Variants in BPHL observed in about 807,000 individuals in gnomAD.
BPHL encodes the protein serine hydrolase BPHL.
BPHL carries 27 observed loss-of-function variants against 31.2 expected under a neutral mutation model. That is an observed-to-expected ratio of 0.87 (90% CI 0.64 to 1.19). The LOEUF is 1.19. Among genes scored for constraint, BPHL ranks in the 50% most tolerant of loss-of-function variants. BPHL has a pLI of 0.00. For synonymous variants in BPHL, 150 were observed against 146.8 expected, an observed-to-expected ratio of 1.02 and a Z score of -0.16; for missense variants, 356 against 375.7, an observed-to-expected ratio of 0.95 and a Z score of 0.43.
At chr6:3,121,291 C>CTTTT (rs67332286) in intron 1 of BPHL, among the ~76,000 whole-genome samples, 33 of 80,378 alleles carry the variant, frequency 4.1e-4, no homozygotes, top group Non-Finnish European at 6.5e-4. Context: ...ATAGCAGTTT[C>CTTTT]TTTTTTTTTT....
At chr6:3,148,740 T>C (rs1762447143) in intron 6 of BPHL, among the ~76,000 whole-genome samples, 2 of 152,240 alleles carry the variant, frequency 1.3e-5, no homozygotes. Flanking sequence ...CACACAGAAT[T>C]AGCCAGTGCT....
chr6:3,126,358 C>A (rs992351280), intron 2 of BPHL, among the ~76,000 whole-genome samples: 1 of 152,080 alleles, frequency 6.6e-6, no homozygotes, highest in African/African-American at 2.4e-5. Context: ...ATGTGTAAGT[C>A]ATTGTTTTAA....
Position 3,127,394 on chromosome 6 carries a change from G to A in BPHL, c.364G>A (p.Val122Ile). 6.2e-7 allele frequency: 1 copy of A among 1,605,322 alleles called. No homozygotes were observed. Among genetic ancestry groups the A allele is most frequent in the East Asian group, 2.2e-5 (1 of 44,766 alleles). ...DFFERDAKDA[V>I]DLMKALKFKK... ...TTTTGAAAGGGATGCAAAAGATGCT[G>A]TTGATTTGATGAAGGTAGGTCTCTG... The change falls in exon 3 of 7, where the codon GTT (valine) becomes ATT (isoleucine). Residue 122 changes from valine to isoleucine, a missense_variant. By Grantham distance (29) the Val-to-Ile change is conservative. Transcript: ENST00000380379.
chr6:3,132,962 AGTCT>A (rs1170456293), intron 4 of BPHL, among the ~76,000 whole-genome samples: 1 of 152,194 alleles, frequency 6.6e-6, no homozygotes, highest in African/African-American at 2.4e-5. Flanking sequence ...CTTTAAATTC[AGTCT>A]GTCTAATACT....
At chr6:3,123,628 C>T in intron 1 of BPHL, 29 bp from the exon 2 acceptor site, 1 of 1,592,646 alleles carries the variant, frequency 6.3e-7, no homozygotes, top group Admixed American at 1.7e-5. Flanking sequence ...CCCCTTTCCC[C>T]CTGTGGGGAT....
chr6:3,139,997 A>C (rs559923209), intron 5 of BPHL: 20 of 219,166 alleles, frequency 9.1e-5, no homozygotes, highest in African/African-American at 3.5e-4. Flanking sequence ...CGGGGCCCCT[A>C]CACTCATCTG....
chr6:3,137,911 A>G, intron 5 of BPHL: 24 of 1,039,654 alleles, frequency 2.3e-5, no homozygotes, highest in Non-Finnish European at 3.1e-5. Flanking sequence ...CCACGAGGAC[A>G]CTGTTAATCT....
intron 4 of BPHL, among the ~76,000 whole-genome samples, chr6:3,135,431 T>C (rs1453203833): frequency 6.6e-6 from 1 of 152,238 alleles, no homozygotes; most frequent in Non-Finnish European, 1.5e-5. Flanking sequence ...TTTTTCAGAT[T>C]TTCTCCTTAC....
At chr6:3,135,738 T>C (rs556358399) in intron 4 of BPHL, among the ~76,000 whole-genome samples, 15 of 152,354 alleles carry the variant, frequency 9.8e-5, no homozygotes, top group East Asian at 3.9e-4. Context: ...CTAGTTTTTT[T>C]ATTAACTTTA....
intron 2 of BPHL, among the ~76,000 whole-genome samples, chr6:3,126,296 A>G (rs1761709213): frequency 6.6e-6 from 1 of 152,224 alleles, no homozygotes; most frequent in Admixed American, 6.5e-5. Flanking sequence ...ACTTTGAATA[A>G]CTTGGACCAA....
At chr6:3,128,552 C>T (rs1314658697) in intron 3 of BPHL, among the ~76,000 whole-genome samples, 4 of 152,236 alleles carry the variant, frequency 2.6e-5, no homozygotes, top group African/African-American at 9.6e-5. Flanking sequence ...CTCACACAAC[C>T]TCCCCATGAC....
At position 3,152,621 on chromosome 6, in the gene BPHL, C is replaced by A; in HGVS notation, c.*46C>A. On this transcript the variant is annotated 3_prime_UTR_variant, in exon 7 of 7. Coordinates refer to ENST00000380379, the MANE Select transcript of BPHL (RefSeq NM_004332.4). The stretch of plus-strand genomic sequence containing the variant: ...GTGGTTCCTTCGTGTGGGGCTTGAT[C>A]GTGTTGCTGCCTGTTAACATGATGC... 6.5e-7 allele frequency: 1 copy of A among 1,538,158 alleles called. No homozygotes were observed. The highest frequency in any genetic ancestry group is 1.2e-5 in the South Asian group (1 of 86,306).
chr6:3,121,978 A>G (rs768000351), intron 1 of BPHL, among the ~76,000 whole-genome samples: 3 of 152,336 alleles, frequency 2.0e-5, no homozygotes, highest in Middle Eastern at 3.4e-3. Context: ...GGGCAGAGGT[A>G]GGAGTAGAGA....
chr6:3,129,125 A>G lies in BPHL; in HGVS notation c.459A>G (p.Pro153=), dbSNP rs752279403. The G allele has an allele frequency of 6.2e-7, 1 of 1,613,462 alleles. No individual in the cohort carries two copies. The highest frequency in any genetic ancestry group is 8.5e-7 in the Non-Finnish European group (1 of 1,179,642). Residue 153 remains proline (P), a synonymous_variant, in exon 4 of 7, where the codon CCA becomes CCG. Transcript: ENST00000380379. ...CACTCATTGCTGCTGCAAAATATCCATCTTACATCCACAAGATGGTGATCT... is the reference window on the plus strand; with the variant it reads ...CACTCATTGCTGCTGCAAAATATCCGTCTTACATCCACAAGATGGTGATCT... ...ITALIAAAKY[P]SYIHKMVIWG...
At position 3,152,556 on chromosome 6, in the gene BPHL, C is replaced by T; in HGVS notation, c.857C>T (p.Ala286Val). The change falls in exon 7 of 7, where the codon GCA becomes GTA. Residue 286 changes from alanine (A) to valine (V), a missense_variant. By Grantham distance (64) the Ala-to-Val change is moderately conservative (BLOSUM62 0). Transcript: ENST00000380379. ...TTTGCAGATGAATTCAACAAGTTAGCAGAAGACTTCCTACAATGAGAATGC... is the reference window on the plus strand; with the variant it reads ...TTTGCAGATGAATTCAACAAGTTAGTAGAAGACTTCCTACAATGAGAATGC... ...LRFADEFNKL[A>V]EDFLQ 6.2e-7 allele frequency: 1 copy of T among 1,613,308 alleles called. No homozygotes were observed. The highest frequency in any genetic ancestry group is 8.5e-7 in the Non-Finnish European group (1 of 1,179,682).
At position 3,123,767 on chromosome 6, in the gene BPHL, G is replaced by T. The variant is rs765526267; in HGVS notation, c.211+7G>T. ...CTACTTCCTGGGATGTTAGGTCTGG[G>T]TACTTTTTAATGGAATGTTTTTGCA... is the stretch of plus-strand genomic sequence containing the variant. On this transcript the variant is annotated splice_region_variant and intron_variant, in intron 2 of 6. Transcript: ENST00000380379. 6.2e-7 allele frequency: 1 copy of T among 1,605,598 alleles called. No individual in the cohort carries two copies. Among genetic ancestry groups the T allele is most frequent in the Non-Finnish European group, 8.5e-7 (1 of 1,174,422 alleles).
intron 4 of BPHL, among the ~76,000 whole-genome samples, chr6:3,137,002 A>G (rs1384953919): frequency 2.6e-5 from 4 of 152,136 alleles, no homozygotes; most frequent in Admixed American, 6.5e-5. Flanking sequence ...ATTTTCTTTT[A>G]TCTTGTATCT....
intron 2 of BPHL, 95 bp from the exon 3 acceptor site, chr6:3,127,147 A>G: frequency 1.2e-6 from 1 of 846,004 alleles, no homozygotes; most frequent in Non-Finnish European, 1.7e-6. Flanking sequence ...AGTAGAAACT[A>G]CTTTGCTTTT....
In BPHL at chr6:3,136,750, A is replaced by G. The variant is rs79355856; in HGVS notation, c.533-612A>G. On this transcript the variant is annotated intron_variant, in intron 4 of 6. Coordinates refer to ENST00000380379, the MANE Select transcript of BPHL (RefSeq NM_004332.4). ...AAGAAATATAGAAAACATTGGCCTA[A>G]GGAATTGCATTTGTTGATTCATGTT... 4.2e-3 allele frequency among the ~76,000 whole-genome samples: 633 copies of G among 152,354 alleles called. 2 individuals carry two copies. Among genetic ancestry groups the G allele is most frequent in the African/African-American group, 0.015 (615 of 41,582 alleles).
Sources: allele counts gnomAD v4.1 joint callset (sites outside exome capture counted in the v4.1 genomes callset), GRCh38; gene constraint gnomAD v4.1.1; transcripts MANE v1.5; gene names NCBI Gene and HGNC (gene_info 2026-07-23, HGNC 2026-07-21).